Variants in USP34 observed in about 807,000 individuals in gnomAD.
USP34 encodes the protein ubiquitin carboxyl-terminal hydrolase 34.
Under a neutral mutation model 460.3 loss-of-function variants are expected in USP34, and 70 were observed. That is an observed-to-expected ratio of 0.15 (90% confidence interval 0.13 to 0.19). USP34 has a LOEUF of 0.19. Among genes scored for constraint, USP34 ranks in the 10% least tolerant of loss-of-function variants. USP34 has a pLI of 1.00. For missense variants in USP34, 3,985 were observed against 4,236.2 expected (o/e 0.94, Z 1.65); for synonymous variants, 1,647 against 1,405.3 (o/e 1.17, Z -3.85).
At chr2:61,256,580 AT>A (rs1261253022) in intron 47 of USP34, 102 bp from the exon 48 acceptor site, 282 of 760,612 alleles carry the variant, frequency 3.7e-4, no homozygotes, top group South Asian at 1.0e-3. Flanking sequence ...CAGCAAAAAA[AT>A]TTTTTTTTTA....
chr2:61,341,900 C>T (rs1021158116), intron 16 of USP34, among the ~76,000 whole-genome samples: 6 of 151,148 alleles, frequency 4.0e-5, no homozygotes, highest in Admixed American at 1.3e-4. Context: ...GTAGCTGGGA[C>T]GACAGGTGCC....
chr2:61,273,322 A>C (rs758227809), intron 41 of USP34, among the ~76,000 whole-genome samples: 4 of 152,250 alleles, frequency 2.6e-5, no homozygotes, highest in Non-Finnish European at 5.9e-5. Context: ...CAACCAAAAA[A>C]GTAACACAAT....
At chr2:61,331,454 CT>C in intron 19 of USP34, 83 bp from the exon 20 acceptor site, 1 of 1,118,684 alleles carries the variant, frequency 8.9e-7, no homozygotes, top group Non-Finnish European at 1.2e-6. Context: ...ATATGCAAAT[CT>C]AAAAAAAATC....
intron 75 of USP34, 69 bp downstream of exon 75, chr2:61,203,071 C>A (rs1316048386): frequency 5.2e-6 from 7 of 1,355,878 alleles, no homozygotes; most frequent in Non-Finnish European, 6.8e-6. Flanking sequence ...CATAATTTTT[C>A]TCCCCTTCCT....
At chr2:61,200,496 C>A (rs566899452) in intron 75 of USP34, 1 of 152,284 alleles carries the variant, frequency 6.6e-6, no homozygotes, top group Non-Finnish European at 1.5e-5. Context: ...ATATATTTCT[C>A]TTTATCCTCT....
chr2:61,334,406 C>A (rs1212704127), intron 18 of USP34, among the ~76,000 whole-genome samples: 1 of 151,994 alleles, frequency 6.6e-6, no homozygotes, highest in African/African-American at 2.4e-5. Context: ...AAGGAAATTA[C>A]TTTAAAACTT....
At chr2:61,301,720 A>G (rs1045506220) in intron 27 of USP34, among the ~76,000 whole-genome samples, 2 of 152,206 alleles carry the variant, frequency 1.3e-5, no homozygotes, top group African/African-American at 4.8e-5. Flanking sequence ...CCTTTCTTGA[A>G]AATAACAAGT....
intron 1 of USP34, among the ~76,000 whole-genome samples, chr2:61,465,866 C>A (rs1308371979): frequency 1.3e-5 from 2 of 151,708 alleles, no homozygotes; most frequent in East Asian, 1.9e-4. Context: ...AGTTCCAGCT[C>A]CTCGGGAAGC....
chr2:61,248,669 T>A lies in USP34; in HGVS notation c.6236A>T (p.Lys2079Ile). The A allele has an allele frequency of 6.4e-7, 1 of 1,567,732 alleles. No homozygotes were observed. Among genetic ancestry groups the A allele is most frequent in the Non-Finnish European group, 8.7e-7 (1 of 1,154,006 alleles). The stretch of plus-strand genomic sequence containing the variant: ...ATTGAAACTCAAAATGCGAGGCAAT[T>A]TCTTAAAACATGCCCTGAGAGACAA... Reference protein sequence around the residue: ...VRAEKRACFKKLPRILSFNTM... With the variant: ...VRAEKRACFKILPRILSFNTM... Residue 2079 changes from lysine to isoleucine, a missense_variant, in exon 49 of 80, where the codon AAA becomes ATA. Physicochemically the swap from Lys to Ile is moderately radical, Grantham distance 102 (BLOSUM62 -3). Coordinates refer to ENST00000398571, the MANE Select transcript of USP34 (RefSeq NM_014709.4).
rs372024725 is a variant in USP34 at position 61,238,068 on chromosome 2, G to GT, written c.6778-1680dup. Among the ~76,000 whole-genome samples the GT allele has an allele frequency of 1.3e-3, 195 of 151,708 alleles. 1 individual carries two copies. The highest frequency in any genetic ancestry group is 4.2e-3 in the African/African-American group (174 of 41,384). On this transcript the variant is annotated intron_variant, in intron 53 of 79. Coordinates refer to ENST00000398571, the MANE Select transcript of USP34 (RefSeq NM_014709.4). ...CCGCCACCATACCCAGTTAATTTTTGTATTTTTAGTAGAGAGGGGGTTTCA... is the reference window on the plus strand; with the variant it reads ...CCGCCACCATACCCAGTTAATTTTTGTTATTTTTAGTAGAGAGGGGGTTTCA...
chr2:61,311,840 C>A lies in USP34; in HGVS notation c.3613G>T (p.Asp1205Tyr). 6.2e-7 allele frequency: 1 copy of A among 1,613,996 alleles called. No individual in the cohort carries two copies. ...ACCCTTAGCGGCAGAGACTGTTTGTCACTCAGTGCTTTCAAATGACTACTA... is the reference window on the plus strand; with the variant it reads ...ACCCTTAGCGGCAGAGACTGTTTGTAACTCAGTGCTTTCAAATGACTACTA... ...GISSHLKALS[D>Y]KQSLPLRVVC... Residue 1205 changes from aspartate (D) to tyrosine (Y), a missense_variant, in exon 26 of 80, where the codon GAC (aspartate) becomes TAC (tyrosine). Around this residue, in one of 14 missense-constraint regions of USP34, gnomAD observed 1,114 missense variants for 1,122.5 expected, o/e 0.99. Coordinates refer to ENST00000398571, the MANE Select transcript of USP34 (RefSeq NM_014709.4).
intron 1 of USP34, among the ~76,000 whole-genome samples, chr2:61,447,489 A>G (rs2104048789): frequency 6.6e-6 from 1 of 152,238 alleles, no homozygotes; most frequent in African/African-American, 2.4e-5. Context: ...AAATATAAAA[A>G]ATCTGGATAA....
chr2:61,402,828 T>A (rs1239182986), intron 3 of USP34, among the ~76,000 whole-genome samples: 1 of 152,194 alleles, frequency 6.6e-6, no homozygotes, highest in East Asian at 1.9e-4. Flanking sequence ...ATTTGTTTGC[T>A]TTAAAATAAT....
intron 5 of USP34, among the ~76,000 whole-genome samples, chr2:61,388,190 T>A (rs185142823): frequency 6.6e-6 from 1 of 151,900 alleles, no homozygotes; most frequent in Non-Finnish European, 1.5e-5. Context: ...TTGCAACGAA[T>A]TGAGATCACC....
intron 19 of USP34, 50 bp from the exon 20 acceptor site, chr2:61,331,421 A>G: frequency 6.7e-7 from 1 of 1,483,304 alleles, no homozygotes; most frequent in Non-Finnish European, 9.1e-7. Flanking sequence ...GGGTAAGAGA[A>G]TAAATCTATG....
rs35776849 is a variant in USP34 at position 61,446,113 on chromosome 2, C to CAAA, written c.43+24534_43+24536dup. On this transcript the variant is annotated intron_variant, in intron 1 of 79. Transcript: ENST00000398571. ...TGGGTGACAGAGTCAGACTCTGTCT[C>CAAA]AAAAAAAAAAAAAAAAAAAAACTAA... Among the ~76,000 whole-genome samples, 72 of 86,962 alleles carry CAAA rather than the reference C, an allele frequency of 8.3e-4. 2 individuals carry two copies. Among genetic ancestry groups the CAAA allele is most frequent in the African/African-American group, 9.3e-4 (20 of 21,534 alleles). 57.1% of individuals were successfully genotyped at this position (86,962 alleles called of 152,430 possible).
At chr2:61,293,428 T>G in intron 33 of USP34, 36 bp downstream of exon 33, 4 of 1,521,780 alleles carry the variant, frequency 2.6e-6, no homozygotes, top group Non-Finnish European at 3.6e-6. Flanking sequence ...ATGGGATAAC[T>G]ACTGTAACTA....
rs773279213 is a variant in USP34 at position 61,214,533 on chromosome 2, T to C, written c.8209A>G (p.Arg2737Gly). 6.2e-6 allele frequency: 10 copies of C among 1,613,508 alleles called. No homozygotes were observed. The highest frequency in any genetic ancestry group is 1.3e-5 in the African/African-American group (1 of 74,894). The change falls in exon 68 of 80, where the codon AGA (arginine) becomes GGA (glycine). Residue 2737 changes from arginine to glycine, a missense_variant. Arg to Gly is a moderately radical substitution (Grantham distance 125). Coordinates refer to ENST00000398571, the MANE Select transcript of USP34 (RefSeq NM_014709.4). Reference sequence around the variant, plus strand: ...GCAGCATCAACATAAAGTTTGGCTCTTGAGAGCAAACCAAGGAGCACGTTG... The same window carrying C: ...GCAGCATCAACATAAAGTTTGGCTCCTGAGAGCAAACCAAGGAGCACGTTG... Reference protein sequence around the residue: ...VYNVLLGLLSRAKLYVDAAVH... With the variant: ...VYNVLLGLLSGAKLYVDAAVH...
In USP34 at chr2:61,436,235, C is replaced by G. The variant is rs756460858; in HGVS notation, c.44-15402G>C. On this transcript the variant is annotated intron_variant, in intron 1 of 79. Transcript: ENST00000398571. ...ATCTCAGCTACTTGGGAATTTGAGG[C>G]AAAAGAATCGCTTGAACCTGGGAGG... Among the ~76,000 whole-genome samples, 238 of 152,056 alleles carry G rather than the reference C, an allele frequency of 1.6e-3. 1 individual carries two copies. The highest frequency in any genetic ancestry group is 2.9e-3 in the Non-Finnish European group (200 of 68,016).
Sources: gnomAD v4.1 joint callset for allele counts (sites outside exome capture counted in the v4.1 genomes callset) on GRCh38, gnomAD v4.1.1 for gene constraint, gnomAD v4.1.1 regional missense constraint, MANE v1.5 for transcripts, NCBI Gene and HGNC (gene_info 2026-07-23, HGNC 2026-07-21) for gene names.